Variants in AUNIP observed in about 807,000 individuals in gnomAD.
AUNIP encodes aurora kinase A and ninein interacting protein.
Under a neutral mutation model 12.2 loss-of-function variants are expected in AUNIP, and 16 were observed. The ratio of observed to expected loss-of-function variants is 1.31; its 90% CI spans 0.88 to 1.99. The LOEUF is 1.99. Ranked by LOEUF, AUNIP falls within the 30% of genes most tolerant of loss-of-function variation. The probability of loss-of-function intolerance (pLI) is 0.00; values close to 1 mark genes in which losing one functional copy is unlikely to be tolerated. For synonymous variants in AUNIP, 142 were observed against 154.8 expected, an observed-to-expected ratio of 0.92 and a Z score of 0.61; for missense variants, 411 against 419.1, an observed-to-expected ratio of 0.98 and a Z score of 0.17.
chr1:25,844,583 T>C (rs541044609), intron 1 of AUNIP, among the ~76,000 whole-genome samples: 3 of 149,898 alleles, frequency 2.0e-5, no homozygotes, highest in Non-Finnish European at 4.4e-5. Flanking sequence ...AAGTTTTGCT[T>C]CAAACAAATA....
rs185708833 is a variant in AUNIP at position 25,842,378 on chromosome 1, G to C, written c.79-4824C>G. Among the ~76,000 whole-genome samples the C allele has an allele frequency of 1.9e-3, 290 of 152,256 alleles. 1 individual carries two copies. The highest frequency in any genetic ancestry group is 6.4e-3 in the African/African-American group (264 of 41,540). ...ATGCAAGCTGAGAGAGGTGAGGAAC[G>C]CCACAGAAGAAAAGTTTGAAGCTAG... On this transcript the variant is annotated intron_variant, in intron 1 of 2. Transcript: ENST00000374298.
In AUNIP at chr1:25,837,443, T is replaced by G. The variant is rs749725879; in HGVS notation, c.190A>C (p.Ser64Arg). ...RAPSTGIHQR[S>R]IASFFTLQPG... Reference sequence around the variant, plus strand: ...TGCAAGGTGAAGAAGGAAGCAATGCTTCTCTGGTGAATGCCTGTAGATGGA... The same window carrying G: ...TGCAAGGTGAAGAAGGAAGCAATGCGTCTCTGGTGAATGCCTGTAGATGGA... Residue 64 changes from serine to arginine, a missense_variant, in exon 2 of 3, where the codon AGC becomes CGC. Physicochemically the swap from Ser to Arg is moderately radical, Grantham distance 110. Coordinates refer to ENST00000374298, the MANE Select transcript of AUNIP (RefSeq NM_024037.3). The G allele has an allele frequency of 6.2e-7, 1 of 1,614,100 alleles. No individual in the cohort carries two copies. The highest frequency in any genetic ancestry group is 1.3e-5 in the African/African-American group (1 of 75,062).
At chr1:25,856,734 T>A (rs186485048) in intron 1 of AUNIP, among the ~76,000 whole-genome samples, 16 of 152,134 alleles carry the variant, frequency 1.1e-4, no homozygotes, top group Non-Finnish European at 1.5e-5. Flanking sequence ...GAGACAAATA[T>A]TGGCTCTCCT....
chr1:25,855,033 T>C (rs571466098), intron 1 of AUNIP, among the ~76,000 whole-genome samples: 3 of 148,112 alleles, frequency 2.0e-5, no homozygotes, highest in Non-Finnish European at 4.4e-5. Context: ...CTTGGCTCAC[T>C]GCAACCTCCA....
At chr1:25,848,715 C>T (rs915015853) in intron 1 of AUNIP, among the ~76,000 whole-genome samples, 5 of 152,130 alleles carry the variant, frequency 3.3e-5, no homozygotes, top group African/African-American at 1.2e-4. Context: ...AAACTAAAGT[C>T]AGCAGGAAGG....
rs1439175656 is a variant in AUNIP at position 25,834,764 on chromosome 1, T to G, written c.*229A>C. The G allele has an allele frequency of 7.2e-7, 1 of 1,396,730 alleles. No homozygotes were observed. Among genetic ancestry groups the G allele is most frequent in the Non-Finnish European group, 9.3e-7 (1 of 1,078,476 alleles). 86.5% of individuals were successfully genotyped at this position (1,396,730 alleles called of 1,614,324 possible). A position where few individuals can be genotyped will look rare whatever the true frequency, so the allele number is the denominator to read the frequency against. On this transcript the variant is annotated 3_prime_UTR_variant, in exon 3 of 3. Coordinates refer to ENST00000374298, the MANE Select transcript of AUNIP (RefSeq NM_024037.3). ...TGCCTCAGTGTTCATCATAGACTCA[T>G]TCAGGGAATTTACCAGCCACCACCT...
intron 1 of AUNIP, among the ~76,000 whole-genome samples, chr1:25,849,644 G>T (rs1443441934): frequency 6.6e-6 from 1 of 151,990 alleles, no homozygotes; most frequent in Non-Finnish European, 1.5e-5. Flanking sequence ...TATTTTGTTT[G>T]TTTGTTTGAG....
intron 1 of AUNIP, among the ~76,000 whole-genome samples, chr1:25,840,258 GAC>G: frequency 1.3e-5 from 2 of 152,150 alleles, no homozygotes; most frequent in Middle Eastern, 6.8e-3. Flanking sequence ...TGAGCTTAAC[GAC>G]AGATTGGAGA....
intron 1 of AUNIP, among the ~76,000 whole-genome samples, chr1:25,844,095 CAA>C (rs1010025738): frequency 3.3e-5 from 5 of 152,110 alleles, no homozygotes; most frequent in Non-Finnish European, 7.4e-5. Context: ...ATCGAGGCAG[CAA>C]GTTTCATTGT....
downstream of AUNIP, among the ~76,000 whole-genome samples, chr1:25,833,291 T>G (rs555129872): frequency 3.3e-5 from 5 of 151,924 alleles, no homozygotes; most frequent in East Asian, 9.8e-4. Context: ...ATTTTTAAAT[T>G]TTTTTGTAGC....
At chr1:25,855,764 T>C (rs1157222655) in intron 1 of AUNIP, among the ~76,000 whole-genome samples, 2 of 152,214 alleles carry the variant, frequency 1.3e-5, no homozygotes, top group African/African-American at 4.8e-5. Flanking sequence ...GTATGCCTAT[T>C]TGATAGCCAC....
intron 1 of AUNIP, among the ~76,000 whole-genome samples, chr1:25,858,849 T>C (rs150444662): frequency 1.3e-3 from 202 of 152,242 alleles, no homozygotes; most frequent in African/African-American, 4.4e-3. Flanking sequence ...ACTTGGCAAA[T>C]TGGGTGGAAA....
At chr1:25,854,606 A>G (rs2048447808) in intron 1 of AUNIP, among the ~76,000 whole-genome samples, 2 of 151,868 alleles carry the variant, frequency 1.3e-5, no homozygotes, top group Non-Finnish European at 1.5e-5. Flanking sequence ...CATTATGTTC[A>G]AAAAGGGGGA....
At chr1:25,850,644 T>C (rs564661555) in intron 1 of AUNIP, among the ~76,000 whole-genome samples, 4 of 152,378 alleles carry the variant, frequency 2.6e-5, no homozygotes, top group Admixed American at 1.3e-4. Flanking sequence ...GTTAAATTTA[T>C]GCCTAAGTAT....
rs537014451 is a variant in AUNIP at position 25,854,900 on chromosome 1, G to C, written c.78+4380C>G. Among the ~76,000 whole-genome samples, 7 of 151,354 alleles carry C rather than the reference G, an allele frequency of 4.6e-5. No homozygotes were observed. In the South Asian group the frequency reaches 1.0e-3, roughly 23 times the overall value. On this transcript the variant is annotated intron_variant, in intron 1 of 2. Transcript: ENST00000374298. ...CATGACAGCTGGCTTCTCCCAAAGAGACAATGAAGCTAAAGCTGCAATGTC... is the reference window on the plus strand; with the variant it reads ...CATGACAGCTGGCTTCTCCCAAAGACACAATGAAGCTAAAGCTGCAATGTC...
At chr1:25,851,928 T>C (rs992780855) in intron 1 of AUNIP, among the ~76,000 whole-genome samples, 5 of 150,540 alleles carry the variant, frequency 3.3e-5, no homozygotes, top group Non-Finnish European at 7.4e-5. Flanking sequence ...AGAGATAGGG[T>C]TTTTTCAGCC....
rs140582282 is a variant in AUNIP, at chr1:25,838,410, G to A, written c.79-856C>T. On this transcript the variant is annotated intron_variant, in intron 1 of 2. Transcript: ENST00000374298. ...CCCAGCTACTTGGGAGGCTGAGGCA[G>A]AAGAATCGCTTTAACCAGGGAGGCG... Among the ~76,000 whole-genome samples, 1,257 of 152,136 alleles carry A rather than the reference G, an allele frequency of 8.3e-3. 18 individuals are homozygous for A. Among genetic ancestry groups the A allele is most frequent in the African/African-American group, 0.028 (1,159 of 41,498 alleles).
chr1:25,856,029 C>T (rs894086409), intron 1 of AUNIP, among the ~76,000 whole-genome samples: 2 of 152,160 alleles, frequency 1.3e-5, no homozygotes, highest in African/African-American at 4.8e-5. Flanking sequence ...AATGTTTTCA[C>T]CATAACATTG....
chr1:25,832,331 T>C (rs759415127), downstream of AUNIP: 7 of 707,992 alleles, frequency 9.9e-6, no homozygotes, highest in Admixed American at 5.4e-5. Context: ...TGTGTGAAAA[T>C]AGGTCCTAAA....
Sources: allele counts gnomAD v4.1 joint callset (sites outside exome capture counted in the v4.1 genomes callset), GRCh38; gene constraint gnomAD v4.1.1; transcripts MANE v1.5; gene names NCBI Gene and HGNC (gene_info 2026-07-23, HGNC 2026-07-21).